Variants in FAM185A observed in about 807,000 individuals in gnomAD.
FAM185A encodes the protein protein FAM185A.
A neutral mutation model predicts 45.7 loss-of-function variants in FAM185A; 21 were observed. The ratio of observed to expected loss-of-function variants is 0.46; its 90% CI spans 0.33 to 0.66. The LOEUF (loss-of-function observed/expected upper bound fraction) is 0.66. Ranked by LOEUF, FAM185A falls within the 30% of genes least tolerant of loss-of-function variation. FAM185A has a pLI of 0.03. For synonymous variants in FAM185A, 117 were observed against 194.0 expected (o/e 0.60, Z 3.30); for missense variants, 305 against 485.4 (o/e 0.63, Z 3.49).
At chr7:102,822,190 G>A in the FAM185A span, 8 of 1,613,872 alleles carry the variant, frequency 5.0e-6, no homozygotes, top group Admixed American at 6.7e-5. Context: ...CATCTCCATT[G>A]CTGAGTCAGT....
chr7:102,755,004 A>T (rs1437958511), intron 2 of FAM185A: 31 of 313,726 alleles, frequency 9.9e-5, no homozygotes, highest in Admixed American at 1.4e-4. Flanking sequence ...TGAACCTTAG[A>T]CCTCTTAGAA....
chr7:102,843,558 T>A, the FAM185A span, among the ~76,000 whole-genome samples: 1 of 151,972 alleles, frequency 6.6e-6, no homozygotes, highest in Non-Finnish European at 1.5e-5. Flanking sequence ...GTGGATCACT[T>A]GAGGTCAGGA....
the FAM185A span, among the ~76,000 whole-genome samples, chr7:102,817,620 T>C: frequency 3.9e-4 from 60 of 152,318 alleles, 1 homozygote; most frequent in East Asian, 8.5e-3. Context: ...ATCAGGAAAG[T>C]TAAAAATGTA....
At chr7:102,778,124 A>G (rs1370209549) in intron 6 of FAM185A, among the ~76,000 whole-genome samples, 1 of 152,248 alleles carries the variant, frequency 6.6e-6, no homozygotes, top group Non-Finnish European at 1.5e-5. Flanking sequence ...TAACAAGGAA[A>G]ATATTTCCTC....
In FAM185A at chr7:102,749,072, C is replaced by T. The variant is rs1433206424; in HGVS notation, c.-136C>T. ...TAGAACGCCTAGTCAAGCCAACCGG[C>T]TCGCTCTTGTTTCAGCAAACCCTGA... On this transcript the variant is annotated 5_prime_UTR_variant, in exon 1 of 8. Transcript: ENST00000413034. The T allele has an allele frequency of 7.5e-7, 1 of 1,340,756 alleles. No individual in the cohort carries two copies. Among genetic ancestry groups the T allele is most frequent in the Non-Finnish European group, 1.0e-6 (1 of 959,478 alleles). The allele number at this position is 1,340,756 out of a possible 1,614,324, so 83.1% of individuals were successfully genotyped here.
chr7:102,779,852 T>C (rs1461828245), intron 6 of FAM185A: 4 of 4,038 alleles, frequency 9.9e-4, no homozygotes, highest in East Asian at 6.3e-3. Context: ...ACACCCAGCT[T>C]TTTTTTTTTT....
At chr7:102,766,178 G>C (rs1181455801) in intron 4 of FAM185A, among the ~76,000 whole-genome samples, 1 of 152,288 alleles carries the variant, frequency 6.6e-6, no homozygotes, top group Non-Finnish European at 1.5e-5. Flanking sequence ...TAAGATGTAA[G>C]AGTGTTCATG....
chr7:102,781,471 T>G (rs1405760459), intron 6 of FAM185A, among the ~76,000 whole-genome samples: 1 of 152,008 alleles, frequency 6.6e-6, no homozygotes. Flanking sequence ...ACTTCCAGAG[T>G]AATGATCAGG....
the FAM185A span, among the ~76,000 whole-genome samples, chr7:102,837,763 G>A: frequency 3.9e-5 from 6 of 152,014 alleles, no homozygotes; most frequent in African/African-American, 1.2e-4. Context: ...GGCTGATCTC[G>A]AACTCCTGGC....
chr7:102,800,944 A>G (rs1796752760), intron 7 of FAM185A, among the ~76,000 whole-genome samples: 1 of 152,232 alleles, frequency 6.6e-6, no homozygotes, highest in Non-Finnish European at 1.5e-5. Context: ...CAGGTTATCC[A>G]AAGTTGAGAC....
chr7:102,789,841 ATTG>A (rs1488839194), intron 7 of FAM185A, among the ~76,000 whole-genome samples: 5 of 152,272 alleles, frequency 3.3e-5, no homozygotes, highest in Non-Finnish European at 7.3e-5. Flanking sequence ...TGTTTTTAAA[ATTG>A]TTAATTTTTT....
chr7:102,752,677 T>G (rs943441928), intron 2 of FAM185A, among the ~76,000 whole-genome samples: 4 of 151,358 alleles, frequency 2.6e-5, no homozygotes, highest in African/African-American at 9.7e-5. Context: ...CCTCCTGCCT[T>G]GGGCTCATGA....
At chr7:102,777,699 A>G (rs1485534182) in intron 6 of FAM185A, among the ~76,000 whole-genome samples, 1 of 152,270 alleles carries the variant, frequency 6.6e-6, no homozygotes, top group Admixed American at 6.5e-5. Flanking sequence ...ACTCTTTTGG[A>G]AGCTTCTCTG....
At chr7:102,816,184 G>A in the FAM185A span, 1 of 152,158 alleles carries the variant, frequency 6.6e-6, no homozygotes, top group African/African-American at 2.4e-5. Context: ...TGGAAGTGAT[G>A]CTTACTGACT....
Position 102,778,440 on chromosome 7 carries a change from A to G in FAM185A, c.931+1092A>G, listed in dbSNP as rs557547378. Among the ~76,000 whole-genome samples, 10 of 152,422 alleles carry G rather than the reference A, an allele frequency of 6.6e-5. No individual in the cohort carries two copies. In the East Asian group the frequency reaches 1.9e-3, roughly 29 times the overall value. ...AAAGATCCAAAGAGAAGAGGGATAT[A>G]TTGTTAATATAACTAGTAACAGAGT... On this transcript the variant is annotated intron_variant, in intron 6 of 7. Coordinates refer to ENST00000413034, the MANE Select transcript of FAM185A (RefSeq NM_001145268.2).
chr7:102,801,607 C>T (rs577579562), intron 7 of FAM185A, among the ~76,000 whole-genome samples: 1 of 152,244 alleles, frequency 6.6e-6, no homozygotes, highest in South Asian at 2.1e-4. Flanking sequence ...GAAAAACTAA[C>T]TTGAAAGCAA....
the FAM185A span, among the ~76,000 whole-genome samples, chr7:102,844,711 A>T: frequency 5.3e-5 from 8 of 152,284 alleles, no homozygotes; most frequent in South Asian, 1.7e-3. Context: ...ATTTAATTCA[A>T]CTCTGACATT....
downstream of FAM185A, among the ~76,000 whole-genome samples, chr7:102,812,106 G>C (rs1033539470): frequency 2.6e-5 from 4 of 152,128 alleles, no homozygotes; most frequent in African/African-American, 9.7e-5. Context: ...AAGGTTAAAA[G>C]GCTGATCTGA....
the FAM185A span, among the ~76,000 whole-genome samples, chr7:102,819,092 T>A: frequency 6.6e-6 from 1 of 152,152 alleles, no homozygotes; most frequent in South Asian, 2.1e-4. Context: ...TCGCTAACTA[T>A]ACAATTAGTG....
Sources: allele counts gnomAD v4.1 joint callset (sites outside exome capture counted in the v4.1 genomes callset), GRCh38; gene constraint gnomAD v4.1.1; transcripts MANE v1.5; gene names NCBI Gene and HGNC (gene_info 2026-07-23, HGNC 2026-07-21).